UGGT2: variants seen among roughly 807,000 people sequenced by gnomAD.
The protein encoded by UGGT2 is UDP-glucose glycoprotein glucosyltransferase 2, also known as UDP-glucose:glycoprotein glucosyltransferase 2.
A neutral mutation model predicts 192.1 loss-of-function variants in UGGT2; 180 were observed. The ratio of observed to expected loss-of-function variants is 0.94; its 90% CI spans 0.83 to 1.06. The LOEUF (loss-of-function observed/expected upper bound fraction) is 1.06. Ranked by LOEUF, UGGT2 falls within the 50% of genes least tolerant of loss-of-function variation. The probability of loss-of-function intolerance (pLI) is 0.00; values close to 1 mark genes in which losing one functional copy is unlikely to be tolerated. For missense variants in UGGT2, 1,849 were observed against 1,795.7 expected (o/e 1.03, Z -0.54); for synonymous variants, 580 against 591.0 (o/e 0.98, Z 0.27).
chr13:96,025,248 TG>T (rs1243383148), intron 2 of UGGT2, among the ~76,000 whole-genome samples: 2 of 152,118 alleles, frequency 1.3e-5, no homozygotes, highest in Non-Finnish European at 2.9e-5. Flanking sequence ...ACAAGATACG[TG>T]GATTTCTGGA....
At chr13:95,944,703 T>A (rs1442838088) in intron 15 of UGGT2, among the ~76,000 whole-genome samples, 1 of 152,072 alleles carries the variant, frequency 6.6e-6, no homozygotes, top group Non-Finnish European at 1.5e-5. Flanking sequence ...CATTTCTGAA[T>A]GGTTAACTAG....
chr13:95,856,106 G>T, intron 34 of UGGT2, 52 bp downstream of exon 34: 1 of 1,381,112 alleles, frequency 7.2e-7, no homozygotes, highest in South Asian at 1.3e-5. Flanking sequence ...TATTAAGATA[G>T]AAGTGTAAAA....
intron 26 of UGGT2, among the ~76,000 whole-genome samples, chr13:95,886,048 G>A (rs983857165): frequency 6.6e-6 from 1 of 152,128 alleles, no homozygotes; most frequent in Non-Finnish European, 1.5e-5. Flanking sequence ...AGAGATTAAA[G>A]ATCCACAAGA....
intron 10 of UGGT2, among the ~76,000 whole-genome samples, chr13:95,981,803 C>A (rs546313040): frequency 1.3e-5 from 2 of 152,330 alleles, no homozygotes; most frequent in African/African-American, 2.4e-5. Flanking sequence ...CTTACCTTCT[C>A]ATCACAACCA....
intron 8 of UGGT2, among the ~76,000 whole-genome samples, chr13:95,988,549 T>C (rs2026817): frequency 2.6e-5 from 4 of 152,172 alleles, no homozygotes; most frequent in African/African-American, 7.2e-5. Flanking sequence ...ATAGATTCTA[T>C]CAGTTCAAAG....
intron 12 of UGGT2, among the ~76,000 whole-genome samples, chr13:95,964,065 T>C (rs919181387): frequency 7.2e-5 from 11 of 152,024 alleles, no homozygotes; most frequent in Non-Finnish European, 1.5e-5. Context: ...CACCACCTGA[T>C]TTGAAAATAT....
intron 4 of UGGT2, among the ~76,000 whole-genome samples, chr13:96,021,409 G>C (rs1309468916): frequency 6.6e-6 from 1 of 152,096 alleles, no homozygotes; most frequent in Non-Finnish European, 1.5e-5. Flanking sequence ...AGATGCACTA[G>C]TGAGTTATAT....
intron 17 of UGGT2, among the ~76,000 whole-genome samples, chr13:95,930,615 T>G (rs539927907): frequency 1.1e-4 from 16 of 152,320 alleles, no homozygotes; most frequent in African/African-American, 3.1e-4. Flanking sequence ...CATTAGTCTA[T>G]GTGTCTATTT....
chr13:95,830,673 T>A (rs1383166992), intron 38 of UGGT2, among the ~76,000 whole-genome samples: 1 of 152,050 alleles, frequency 6.6e-6, no homozygotes, highest in African/African-American at 2.4e-5. Flanking sequence ...ACTTTTACAG[T>A]ATGGTAAGGC....
At chr13:95,802,515 G>C (rs1360869427) in intron 38 of UGGT2, among the ~76,000 whole-genome samples, 1 of 152,198 alleles carries the variant, frequency 6.6e-6, no homozygotes, top group Non-Finnish European at 1.5e-5. Flanking sequence ...GAGAACGAGG[G>C]AAGTGGTTAC....
chr13:95,919,806 T>C (rs1204505491), intron 20 of UGGT2, among the ~76,000 whole-genome samples: 1 of 152,166 alleles, frequency 6.6e-6, no homozygotes, highest in African/African-American at 2.4e-5. Context: ...TTCAAAGCTA[T>C]TCCCATTAAA....
chr13:95,887,329 T>A, intron 26 of UGGT2: 1 of 512,808 alleles, frequency 2.0e-6, no homozygotes, highest in Non-Finnish European at 3.9e-6. Flanking sequence ...TCAATAAGAA[T>A]GGCTCATAAT....
intron 22 of UGGT2, 103 bp downstream of exon 22, chr13:95,900,704 C>T (rs557918116): frequency 4.7e-6 from 6 of 1,290,142 alleles, no homozygotes; most frequent in African/African-American, 4.5e-5. Flanking sequence ...GAACACCGTC[C>T]TCTGTGTGTG....
At chr13:95,997,013 C>T (rs945404318) in intron 6 of UGGT2, among the ~76,000 whole-genome samples, 14 of 152,154 alleles carry the variant, frequency 9.2e-5, no homozygotes, top group African/African-American at 3.4e-4. Context: ...TGGGGTGGCT[C>T]TCTATCAGAG....
intron 13 of UGGT2, 29 bp downstream of exon 13, chr13:95,949,306 T>C (rs1442030997): frequency 2.0e-6 from 3 of 1,470,918 alleles, no homozygotes; most frequent in Non-Finnish European, 1.8e-6. Context: ...TTATAAGATA[T>C]ATATGTATAA....
intron 12 of UGGT2, among the ~76,000 whole-genome samples, chr13:95,955,732 C>T (rs1317321324): frequency 2.6e-5 from 4 of 152,086 alleles, no homozygotes; most frequent in Non-Finnish European, 4.4e-5. Flanking sequence ...GTTTTCAAAG[C>T]GCTCAAACAG....
intron 4 of UGGT2, among the ~76,000 whole-genome samples, chr13:96,018,144 T>C (rs922056062): frequency 1.3e-5 from 2 of 152,200 alleles, no homozygotes; most frequent in Admixed American, 6.5e-5. Context: ...TGATTCTTCA[T>C]CTCTCCCTAT....
chr13:95,851,390 A>G (rs1308470407), intron 36 of UGGT2, among the ~76,000 whole-genome samples: 2 of 152,220 alleles, frequency 1.3e-5, no homozygotes, highest in African/African-American at 4.8e-5. Flanking sequence ...TAAAACCATG[A>G]TTGGCTGCAA....
chr13:95,890,596 C>T (rs1404280805), intron 25 of UGGT2, among the ~76,000 whole-genome samples: 1 of 152,096 alleles, frequency 6.6e-6, no homozygotes, highest in Non-Finnish European at 1.5e-5. Flanking sequence ...GGAGTTAGGG[C>T]TTAAAGTTCA....
Sources: allele counts gnomAD v4.1 joint callset (sites outside exome capture counted in the v4.1 genomes callset), GRCh38; gene constraint gnomAD v4.1.1; transcripts MANE v1.5; gene names NCBI Gene and HGNC (gene_info 2026-07-23, HGNC 2026-07-21).